CCDC14: variants seen among roughly 807,000 people sequenced by gnomAD.
CCDC14 encodes the protein coiled-coil domain-containing protein 14.
A neutral mutation model predicts 81.4 loss-of-function variants in CCDC14; 71 were observed. The observed-to-expected ratio is 0.87, with a 90% CI of 0.72 to 1.06. The LOEUF (loss-of-function observed/expected upper bound fraction) is 1.06, where lower values mean the gene tolerates loss of function less well. Ranked by LOEUF, CCDC14 falls within the 50% of genes least tolerant of loss-of-function variation. The pLI is 0.00. For missense variants in CCDC14, 1,046 were observed against 1,047.3 expected, an observed-to-expected ratio of 1.00 and a Z score of 0.02; for synonymous variants, 332 against 364.8, an observed-to-expected ratio of 0.91 and a Z score of 1.03.
chr3:123,915,023 T>G lies in CCDC14; in HGVS notation c.2474A>C (p.Glu825Ala). ...AIGKIPAATKEPEEQTACHGP... is the reference protein window; with the variant it reads ...AIGKIPAATKAPEEQTACHGP... ...ATGACATGCAGTTTGTTCCTCTGGC[T>G]CCTTGGTGGCAGCAGGGATCTTACC... The change falls in exon 13 of 13, where the codon GAG (glutamate) becomes GCG (alanine). Residue 825 changes from glutamate to alanine, a missense_variant. Physicochemically the swap from Glu to Ala is moderately radical, Grantham distance 107. Coordinates refer to ENST00000409697, the MANE Select transcript of CCDC14 (RefSeq NM_001366335.1). 6.2e-7 allele frequency: 1 copy of G among 1,614,040 alleles called. No homozygotes were observed.
chr3:123,907,393 A>G (rs181487118), intron 5 of CCDC14, among the ~76,000 whole-genome samples: 109 of 152,202 alleles, frequency 7.2e-4, no homozygotes, highest in African/African-American at 2.5e-3. Context: ...TCCTCTCCCC[A>G]TTGTTACAAA....
rs768501219 is a variant in CCDC14, at chr3:123,915,588, G to C, written c.1909C>G (p.Pro637Ala). The change falls in exon 13 of 13, where the codon CCT becomes GCT. Residue 637 changes from proline to alanine, a missense_variant. Transcript: ENST00000409697. Reference sequence around the variant, plus strand: ...TAGCTCATTATGGAAGTGTGAGCAGGAGCTGGGTCATGTTGAAGTTGTTTA... The same window carrying C: ...TAGCTCATTATGGAAGTGTGAGCAGCAGCTGGGTCATGTTGAAGTTGTTTA... ...HDKQLQHDPA[P>A]AHTSIMSYLN... is the part of the protein sequence containing the mutation. 6.2e-7 allele frequency: 1 copy of C among 1,614,022 alleles called. No individual in the cohort carries two copies. The highest frequency in any genetic ancestry group is 8.5e-7 in the Non-Finnish European group (1 of 1,179,890).
chr3:123,919,035 T>A (rs1272754817), intron 12 of CCDC14, among the ~76,000 whole-genome samples: 1 of 151,810 alleles, frequency 6.6e-6, no homozygotes, highest in Admixed American at 6.6e-5. Context: ...GAAGAGAGCA[T>A]CTGGTCCCAT....
chr3:123,945,709 A>C (rs1459578061), intron 8 of CCDC14, among the ~76,000 whole-genome samples: 1 of 152,158 alleles, frequency 6.6e-6, no homozygotes, highest in African/African-American at 2.4e-5. Context: ...GATAACCTAG[A>C]AGTTGAAAGT....
downstream of CCDC14, among the ~76,000 whole-genome samples, chr3:123,909,214 G>A (rs142891517): frequency 3.9e-5 from 6 of 152,220 alleles, no homozygotes; most frequent in African/African-American, 1.2e-4. Context: ...TACCTTGGCC[G>A]TGTGCTCCCT....
chr3:123,908,510 A>G (rs1277728931), downstream of CCDC14, among the ~76,000 whole-genome samples: 1 of 152,214 alleles, frequency 6.6e-6, no homozygotes, highest in Admixed American at 6.5e-5. Flanking sequence ...TATTCAAGTG[A>G]ATTTTCCCAC....
At chr3:123,905,954 TA>T (rs36087597) in intron 5 of CCDC14, among the ~76,000 whole-genome samples, 13,346 of 152,244 alleles carry the variant, frequency 0.088, 705 homozygotes, top group Middle Eastern at 0.21. Flanking sequence ...ACTGTATGAA[TA>T]ATATAACAGT....
At chr3:123,948,269 C>A (rs1220924385) in intron 7 of CCDC14, among the ~76,000 whole-genome samples, 1 of 148,096 alleles carries the variant, frequency 6.8e-6, no homozygotes, top group African/African-American at 2.5e-5. Flanking sequence ...TAGAGTCTCA[C>A]TCTGTAGCCC....
At chr3:123,935,856 A>G (rs983136919) in intron 9 of CCDC14, among the ~76,000 whole-genome samples, 55 of 152,178 alleles carry the variant, frequency 3.6e-4, no homozygotes, top group African/African-American at 1.3e-3. Flanking sequence ...TCAATTGTAT[A>G]CTTTCCTTTT....
chr3:123,954,998 G>T (rs1310568452), intron 5 of CCDC14: 1 of 152,012 alleles, frequency 6.6e-6, no homozygotes, highest in Non-Finnish European at 1.5e-5. Flanking sequence ...TCTCTACCTT[G>T]GGACTATCTG....
chr3:123,958,642 G>A (rs2148970140), intron 1 of CCDC14: 1 of 152,078 alleles, frequency 6.6e-6, no homozygotes, highest in Non-Finnish European at 1.5e-5. Flanking sequence ...ACTCCTAAAT[G>A]TTTCCTAAAA....
intron 5 of CCDC14, chr3:123,953,104 T>A (rs1420892615): frequency 6.4e-6 from 1 of 155,308 alleles, no homozygotes; most frequent in Non-Finnish European, 1.4e-5. Context: ...GAATCTTCCA[T>A]CTGCCAATCC....
chr3:123,889,351 G>T, the CCDC14 span, among the ~76,000 whole-genome samples: 2 of 152,128 alleles, frequency 1.3e-5, no homozygotes, highest in African/African-American at 4.8e-5. Context: ...GGTAGAGGCT[G>T]CAGTGAGCCA....
At chr3:123,952,670 G>A in intron 5 of CCDC14, 1 of 511,734 alleles carries the variant, frequency 2.0e-6, no homozygotes. Context: ...ACATAAGGAG[G>A]CCACTCCCCA....
chr3:123,956,628 C>T, intron 2 of CCDC14, 112 bp downstream of exon 2: 1 of 844,812 alleles, frequency 1.2e-6, no homozygotes, highest in Non-Finnish European at 1.9e-6. Context: ...TTCCTCAGAG[C>T]TTGTGATGGT....
chr3:123,955,867 G>T lies in CCDC14; in HGVS notation c.328C>A (p.Pro110Thr), dbSNP rs1044136516. Residue 110 changes from proline to threonine, a missense_variant, in exon 5 of 13, where the codon CCT becomes ACT. By Grantham distance (38) the Pro-to-Thr change is conservative (BLOSUM62 -1). Coordinates refer to ENST00000409697, the MANE Select transcript of CCDC14 (RefSeq NM_001366335.1). ...CATGTTTCTTTCTGGACTACCAAAG[G>T]AATAGTATGTTTTTCATGTCTTTTC... Reference protein sequence around the residue: ...KKKRHEKHTIPLVVQKETSSS... With the variant: ...KKKRHEKHTITLVVQKETSSS... The T allele has an allele frequency of 6.5e-7, 1 of 1,531,006 alleles. No homozygotes were observed. The highest frequency in any genetic ancestry group is 8.8e-7 in the Non-Finnish European group (1 of 1,136,956). 94.8% of individuals were successfully genotyped at this position (1,531,006 alleles called of 1,614,324 possible).
chr3:123,950,658 G>T (rs2036955057), intron 5 of CCDC14, among the ~76,000 whole-genome samples: 1 of 152,100 alleles, frequency 6.6e-6, no homozygotes, highest in South Asian at 2.1e-4. Flanking sequence ...GGTACTGACA[G>T]GGAGGGAGCC....
intron 9 of CCDC14, among the ~76,000 whole-genome samples, chr3:123,939,526 C>T (rs2036242057): frequency 6.7e-6 from 1 of 148,922 alleles, no homozygotes; most frequent in Non-Finnish European, 1.5e-5. Flanking sequence ...AAAATTTTCC[C>T]TTTTATTTAT....
intron 12 of CCDC14, among the ~76,000 whole-genome samples, chr3:123,928,161 T>C (rs2035478339): frequency 6.6e-6 from 1 of 152,036 alleles, no homozygotes; most frequent in African/African-American, 2.4e-5. Flanking sequence ...GCATTGCATA[T>C]GTTGAATAGT....
Sources: allele counts gnomAD v4.1 joint callset (sites outside exome capture counted in the v4.1 genomes callset), GRCh38; gene constraint gnomAD v4.1.1; transcripts MANE v1.5; gene names NCBI Gene and HGNC (gene_info 2026-07-23, HGNC 2026-07-21).